ARHGAP26: variants seen among roughly 807,000 people sequenced by gnomAD.
The protein encoded by ARHGAP26 is Rho GTPase activating protein 26.
A neutral mutation model predicts 104.8 loss-of-function variants in ARHGAP26; 38 were observed. The observed-to-expected ratio is 0.36, with a 90% CI of 0.28 to 0.48. The LOEUF is 0.48. Among genes scored for constraint, ARHGAP26 ranks in the 20% least tolerant of loss-of-function variants. The probability of loss-of-function intolerance (pLI) is 0.99; values close to 1 mark genes in which losing one functional copy is unlikely to be tolerated. For synonymous variants in ARHGAP26, 341 were observed against 340.0 expected (o/e 1.00, Z -0.03); for missense variants, 704 against 947.9 (o/e 0.74, Z 3.38).
At chr5:143,191,277 A>G (rs1805888233) in intron 20 of ARHGAP26, among the ~76,000 whole-genome samples, 1 of 152,252 alleles carries the variant, frequency 6.6e-6, no homozygotes, top group Non-Finnish European at 1.5e-5. Context: ...TTCTGTAGGT[A>G]GTGTAGACAA....
chr5:142,843,464 A>G lies in ARHGAP26; in HGVS notation c.155-29936A>G, dbSNP rs1223365061. On this transcript the variant is annotated intron_variant, in intron 1 of 22. Transcript: ENST00000645722. The stretch of plus-strand genomic sequence containing the variant: ...GATTGTCATGATTACAATGATGCCT[A>G]CCATTCATTGAGTGCTTACTCCGTG... Among the ~76,000 whole-genome samples the G allele has an allele frequency of 4.6e-5, 7 of 152,252 alleles. 1 individual carries two copies. In the East Asian group the frequency reaches 1.3e-3, roughly 29 times the overall value.
At chr5:142,883,770 A>G (rs1166379576) in intron 4 of ARHGAP26, among the ~76,000 whole-genome samples, 1 of 152,148 alleles carries the variant, frequency 6.6e-6, no homozygotes, top group Non-Finnish European at 1.5e-5. Flanking sequence ...TATCTACAGA[A>G]TCTCTGTGAC....
intron 17 of ARHGAP26, among the ~76,000 whole-genome samples, chr5:143,070,779 G>A (rs1233111807): frequency 1.3e-5 from 2 of 152,072 alleles, no homozygotes; most frequent in African/African-American, 4.8e-5. Flanking sequence ...GCATGGTGGT[G>A]TGCACCTGTA....
At position 143,152,655 on chromosome 5, in the gene ARHGAP26, T is replaced by C. The variant is rs75843807; in HGVS notation, c.1988+5274T>C. Among the ~76,000 whole-genome samples, 13 of 152,350 alleles carry C rather than the reference T, an allele frequency of 8.5e-5. 1 individual carries two copies. The East Asian group carries it at 2.5e-3, about 29-fold the overall frequency. ...GCTGACCTTTACCCTTTGACTTATTTTGGCCAATAGAATGTGGAGGAAGTG... is the reference window on the plus strand; with the variant it reads ...GCTGACCTTTACCCTTTGACTTATTCTGGCCAATAGAATGTGGAGGAAGTG... On this transcript the variant is annotated intron_variant, in intron 20 of 22. Transcript: ENST00000645722.
At chr5:142,909,052 T>C (rs1402496830) in intron 9 of ARHGAP26, among the ~76,000 whole-genome samples, 2 of 152,234 alleles carry the variant, frequency 1.3e-5, no homozygotes, top group Non-Finnish European at 1.5e-5. Flanking sequence ...TGGGAGGTTT[T>C]GGTTTTCCAG....
chr5:143,208,831 C>T (rs1809005319), intron 21 of ARHGAP26, among the ~76,000 whole-genome samples: 1 of 152,178 alleles, frequency 6.6e-6, no homozygotes, highest in South Asian at 2.1e-4. Context: ...TTTTTTCTCA[C>T]TCTATAAATA....
chr5:142,886,986 T>G (rs1757801425), intron 5 of ARHGAP26, among the ~76,000 whole-genome samples: 1 of 152,242 alleles, frequency 6.6e-6, no homozygotes, highest in Admixed American at 6.5e-5. Flanking sequence ...TAAGCAGGTA[T>G]AAATTATGGA....
intron 11 of ARHGAP26, among the ~76,000 whole-genome samples, chr5:142,961,548 TCATGGC>T (rs1770250711): frequency 6.6e-6 from 1 of 151,980 alleles, no homozygotes. Context: ...CTAAGGAAAA[TCATGGC>T]ATAATAGGGA....
At position 142,986,862 on chromosome 5, in the gene ARHGAP26, G is replaced by C. The variant is rs143233610; in HGVS notation, c.1108-27218G>C. Reference sequence around the variant, plus strand: ...GGGCTCTGTTCTGTTCAATTGGTCTGTATCTCTGTTTTGGTACCAGTACCA... The same window carrying C: ...GGGCTCTGTTCTGTTCAATTGGTCTCTATCTCTGTTTTGGTACCAGTACCA... On this transcript the variant is annotated intron_variant, in intron 11 of 22. Coordinates refer to ENST00000645722, the MANE Select transcript of ARHGAP26 (RefSeq NM_001135608.3). Among the ~76,000 whole-genome samples the C allele has an allele frequency of 8.6e-3, 1,314 of 152,230 alleles. 24 individuals carry two copies. Among genetic ancestry groups the C allele is most frequent in the African/African-American group, 0.03 (1,234 of 41,540 alleles).
intron 22 of ARHGAP26, among the ~76,000 whole-genome samples, chr5:143,221,890 A>AGTT (rs1811195500): frequency 6.6e-6 from 1 of 151,404 alleles, no homozygotes; most frequent in African/African-American, 2.4e-5. Flanking sequence ...CTGAGTACAT[A>AGTT]GTTGATACTG....
chr5:142,914,398 T>C (rs1350063415), intron 10 of ARHGAP26, among the ~76,000 whole-genome samples: 1 of 152,286 alleles, frequency 6.6e-6, no homozygotes, highest in Non-Finnish European at 1.5e-5. Context: ...TTGACTTTGC[T>C]GCTTAGTAGC....
rs1426982416 is a variant in ARHGAP26, at chr5:142,983,076, TG to T, written c.1108-31002del. Among the ~76,000 whole-genome samples, 3 of 152,220 alleles carry T rather than the reference TG, an allele frequency of 2.0e-5. No homozygotes were observed. In the East Asian group the frequency reaches 5.8e-4, roughly 29 times the overall value. ...GGTTGCCCTTTGTTGGCTGGTGGTG[TG>T]GAGGAGGACAGGTCCCCTGACTGCC... On this transcript the variant is annotated intron_variant, in intron 11 of 22. Coordinates refer to ENST00000645722, the MANE Select transcript of ARHGAP26 (RefSeq NM_001135608.3).
chr5:142,823,051 A>G (rs1766501802), intron 1 of ARHGAP26, among the ~76,000 whole-genome samples: 1 of 152,234 alleles, frequency 6.6e-6, no homozygotes, highest in Admixed American at 6.5e-5. Flanking sequence ...AATACATTTC[A>G]TTGTATAATT....
chr5:143,138,980 A>C (rs76224493), intron 19 of ARHGAP26, among the ~76,000 whole-genome samples: 11,169 of 152,178 alleles, frequency 0.073, 591 homozygotes, highest in Non-Finnish European at 0.11. Flanking sequence ...ATGGTTCCCC[A>C]GGAGATGCAT....
intron 11 of ARHGAP26, among the ~76,000 whole-genome samples, chr5:142,948,974 G>C (rs563817597): frequency 6.6e-6 from 1 of 151,658 alleles, no homozygotes; most frequent in African/African-American, 2.4e-5. Context: ...GCATGGTGGC[G>C]GGTGCCTGTA....
At chr5:142,905,897 C>A (rs1412998276) in intron 8 of ARHGAP26, among the ~76,000 whole-genome samples, 1 of 152,110 alleles carries the variant, frequency 6.6e-6, no homozygotes, top group African/African-American at 2.4e-5. Flanking sequence ...CCAGTTGTAT[C>A]AATAATGGCC....
At chr5:142,983,186 T>C (rs1037826620) in intron 11 of ARHGAP26, among the ~76,000 whole-genome samples, 10 of 152,114 alleles carry the variant, frequency 6.6e-5, no homozygotes, top group Non-Finnish European at 1.0e-4. Flanking sequence ...CCACGGTGAA[T>C]TAGACCTAAA....
intron 1 of ARHGAP26, among the ~76,000 whole-genome samples, chr5:142,820,182 C>G (rs960356409): frequency 9.2e-5 from 14 of 152,170 alleles, no homozygotes; most frequent in Admixed American, 8.5e-4. Flanking sequence ...GTTCTCAGAC[C>G]TCACATTGAG....
At chr5:143,040,897 G>A (rs1783363008) in intron 13 of ARHGAP26, among the ~76,000 whole-genome samples, 1 of 152,250 alleles carries the variant, frequency 6.6e-6, no homozygotes, top group Non-Finnish European at 1.5e-5. Context: ...GCCATTGTAA[G>A]TAGTTTTGAT....
Sources: gnomAD v4.1 joint callset for allele counts (sites outside exome capture counted in the v4.1 genomes callset) on GRCh38, gnomAD v4.1.1 for gene constraint, MANE v1.5 for transcripts, NCBI Gene and HGNC (gene_info 2026-07-23, HGNC 2026-07-21) for gene names.